RAD51: variants seen among roughly 807,000 people sequenced by gnomAD.
RAD51 encodes the protein RAD51 recombinase.
In RAD51, 14 loss-of-function variants were observed where a neutral mutation model predicts 41.5. The observed-to-expected ratio is 0.34, with a 90% CI of 0.22 to 0.53. RAD51 has a LOEUF of 0.53. Ranked by LOEUF, RAD51 falls within the 20% of genes least tolerant of loss-of-function variation. RAD51 has a pLI of 0.95. For missense variants in RAD51, 234 were observed against 422.0 expected (o/e 0.55, Z 3.90); for synonymous variants, 136 against 148.6 (o/e 0.92, Z 0.62).
At chr15:40,729,223 A>T (rs1250492274) in intron 7 of RAD51, among the ~76,000 whole-genome samples, 1 of 151,942 alleles carries the variant, frequency 6.6e-6, no homozygotes, top group Non-Finnish European at 1.5e-5. Context: ...ATACAAAAAA[A>T]TTAGCTGGGT....
intron 3 of RAD51, among the ~76,000 whole-genome samples, chr15:40,703,866 T>A (rs1466753504): frequency 6.6e-6 from 1 of 152,010 alleles, no homozygotes; most frequent in Non-Finnish European, 1.5e-5. Flanking sequence ...CTGCTTGCTT[T>A]GTTTTGTTTG....
intron 6 of RAD51, among the ~76,000 whole-genome samples, chr15:40,727,497 G>A (rs1896646731): frequency 6.6e-6 from 1 of 151,286 alleles, no homozygotes; most frequent in Non-Finnish European, 1.5e-5. Flanking sequence ...TGTATTTTTA[G>A]TAGAGATGGT....
intron 2 of RAD51, among the ~76,000 whole-genome samples, 189 bp from the exon 3 acceptor site, chr15:40,700,875 T>A (rs929133584): frequency 6.6e-6 from 1 of 152,160 alleles, no homozygotes; most frequent in Admixed American, 6.5e-5. Context: ...ACTTGAGCAT[T>A]GTTGGATTTT....
rs778619477 is a variant in RAD51, at chr15:40,706,340, C to A, written c.343+46C>A. 1.6e-5 allele frequency: 23 copies of A among 1,426,778 alleles called. 1 individual carries two copies. The South Asian group carries it at 2.4e-4, about 15-fold the overall frequency. 88.4% of individuals were successfully genotyped at this position (1,426,778 alleles called of 1,614,324 possible). A position where few individuals can be genotyped will look rare whatever the true frequency, so the allele number is the denominator to read the frequency against. On this transcript the variant is annotated intron_variant, in intron 4 of 9. Coordinates refer to ENST00000267868, the MANE Select transcript of RAD51 (RefSeq NM_002875.5). Reference sequence around the variant, plus strand: ...GTGTTGTGAACTCTAGTTAGGAAAGCTTCCAGGTTATAAAACAAAACTGAA... The same window carrying A: ...GTGTTGTGAACTCTAGTTAGGAAAGATTCCAGGTTATAAAACAAAACTGAA...
chr15:40,696,642 C>CT (rs1419384870), intron 1 of RAD51, among the ~76,000 whole-genome samples: 1 of 152,152 alleles, frequency 6.6e-6, no homozygotes, highest in African/African-American at 2.4e-5. Context: ...ATATTTTCCC[C>CT]TTTTTACAGT....
chr15:40,708,357 A>G (rs1401210572), intron 4 of RAD51, among the ~76,000 whole-genome samples: 1 of 148,276 alleles, frequency 6.7e-6, no homozygotes, highest in Non-Finnish European at 1.5e-5. Flanking sequence ...GCCTGCTAGT[A>G]GCTGGGATTA....
At chr15:40,729,038 G>A (rs1019885762) in intron 7 of RAD51, among the ~76,000 whole-genome samples, 1 of 152,028 alleles carries the variant, frequency 6.6e-6, no homozygotes, top group Non-Finnish European at 1.5e-5. Context: ...CTTGTTAAAC[G>A]GTGCCTCAGA....
At chr15:40,721,971 TATC>T (rs1279048421) in intron 6 of RAD51, among the ~76,000 whole-genome samples, 1 of 152,196 alleles carries the variant, frequency 6.6e-6, no homozygotes, top group East Asian at 1.9e-4. Context: ...CACAATGAAA[TATC>T]ATTTTAGCCT....
chr15:40,706,025 T>C, intron 3 of RAD51, 152 bp from the exon 4 acceptor site: 1 of 628,494 alleles, frequency 1.6e-6, no homozygotes, highest in South Asian at 2.1e-5. Context: ...TAAAGAGAAA[T>C]CATCCTGGTA....
rs754829381 is a variant in RAD51 at position 40,730,758 on chromosome 15, G to A, written c.897-297G>A. Among the ~76,000 whole-genome samples the A allele has an allele frequency of 2.6e-4, 40 of 151,546 alleles. 1 individual carries two copies. Among genetic ancestry groups the A allele is most frequent in the Non-Finnish European group, 5.0e-4 (34 of 67,928 alleles). ...AGGATGGTCTCGATCTCCTGACCTC[G>A]TGATCTGCCCAACTCAGCCTCCCAA... On this transcript the variant is annotated intron_variant, in intron 9 of 9. Coordinates refer to ENST00000267868, the MANE Select transcript of RAD51 (RefSeq NM_002875.5).
intron 1 of RAD51, among the ~76,000 whole-genome samples, chr15:40,697,484 C>A (rs753623539): frequency 6.6e-6 from 1 of 150,950 alleles, no homozygotes; most frequent in African/African-American, 2.4e-5. Context: ...TTCAAGAAAT[C>A]TTTTTCTGTC....
intron 6 of RAD51, among the ~76,000 whole-genome samples, chr15:40,722,694 T>C (rs547130107): frequency 6.6e-6 from 1 of 152,348 alleles, no homozygotes; most frequent in Admixed American, 6.5e-5. Flanking sequence ...CGTTTTACTA[T>C]ACTGTTTTTA....
At chr15:40,719,930 G>A (rs911030268) in intron 6 of RAD51, among the ~76,000 whole-genome samples, 1 of 151,776 alleles carries the variant, frequency 6.6e-6, no homozygotes, top group South Asian at 2.1e-4. Flanking sequence ...ATACACACAC[G>A]CCTAACAACA....
intron 5 of RAD51, among the ~76,000 whole-genome samples, chr15:40,710,883 C>G (rs1344926169): frequency 6.6e-6 from 1 of 152,188 alleles, no homozygotes; most frequent in Non-Finnish European, 1.5e-5. Context: ...TCTTGTACCT[C>G]TCTATGAGAT....
intron 6 of RAD51, among the ~76,000 whole-genome samples, chr15:40,721,757 T>G (rs558927979): frequency 6.6e-6 from 1 of 152,266 alleles, no homozygotes; most frequent in Admixed American, 6.5e-5. Flanking sequence ...ACATAAAAAT[T>G]AAAATAGATA....
intron 5 of RAD51, among the ~76,000 whole-genome samples, chr15:40,710,253 AAAAAAAAAAAAAAAAAAG>A (rs1347534052): frequency 7.0e-6 from 1 of 143,818 alleles, no homozygotes; most frequent in African/African-American, 2.5e-5. Context: ...AAAAAAAAAA[AAAAAAAAAAAAAAAAAAG>A]AAGAAGAAAA....
intron 2 of RAD51, 77 bp from the exon 3 acceptor site, chr15:40,700,987 G>T: frequency 6.6e-7 from 1 of 1,517,144 alleles, no homozygotes. Context: ...CCTCTGTGAA[G>T]TATGTAGGAC....
intron 3 of RAD51, among the ~76,000 whole-genome samples, chr15:40,704,661 G>A (rs1373508530): frequency 7.4e-6 from 1 of 134,366 alleles, no homozygotes; most frequent in East Asian, 2.4e-4. Flanking sequence ...GCCCAGCCAT[G>A]CCCTACTAAT....
At chr15:40,716,750 TC>T (rs1665013732) in intron 5 of RAD51, among the ~76,000 whole-genome samples, 1 of 144,204 alleles carries the variant, frequency 6.9e-6, no homozygotes, top group Admixed American at 7.3e-5. Flanking sequence ...AAGCTCTGCC[TC>T]CCAGGTTCAC....
Sources: allele counts gnomAD v4.1 joint callset (sites outside exome capture counted in the v4.1 genomes callset), GRCh38; gene constraint gnomAD v4.1.1; transcripts MANE v1.5; gene names NCBI Gene and HGNC (gene_info 2026-07-23, HGNC 2026-07-21).